Variants in H3-7 observed in about 807,000 individuals in gnomAD.
H3-7 encodes histone H3-7.
chr1:143,904,814 CAA>C, the H3-7 span, among the ~76,000 whole-genome samples: 2 of 146,092 alleles, frequency 1.4e-5, 1 homozygote, highest in Non-Finnish European at 3.1e-5. Flanking sequence ...GTCACTGTAA[CAA>C]AAGTCTTGTT....
At chr1:143,904,101 A>G in the H3-7 span, 1 of 780,568 alleles carries the variant, frequency 1.3e-6, no homozygotes, top group South Asian at 1.8e-5. Flanking sequence ...AACACTCCCT[A>G]CCTGACCAAA....
the H3-7 span, chr1:143,905,958 A>T: frequency 6.3e-7 from 1 of 1,579,594 alleles, no homozygotes. Context: ...TCTGCTTAGT[A>T]CGGGCCATGC....
At chr1:143,904,792 G>C in the H3-7 span, 2 of 602,424 alleles carry the variant, frequency 3.3e-6, 1 homozygote, top group South Asian at 4.1e-5. Flanking sequence ...TTCTAGTCTT[G>C]CTTCCTTAAT....
the H3-7 span, chr1:143,905,700 G>A: frequency 4.4e-5 from 70 of 1,582,630 alleles, 11 homozygotes; most frequent in Middle Eastern, 1.7e-4. Context: ...GCGCCATCAC[G>A]GCCGAGCTCT....
the H3-7 span, among the ~76,000 whole-genome samples, chr1:143,902,777 G>A: frequency 7.0e-6 from 1 of 142,880 alleles, no homozygotes; most frequent in African/African-American, 2.5e-5. Context: ...ATTAACATGA[G>A]GACCCAACAC....
chr1:143,905,762 G>T, the H3-7 span: 2 of 1,582,002 alleles, frequency 1.3e-6, no homozygotes. Flanking sequence ...ACCAGCCGCT[G>T]GAAGGGCAGC....
At chr1:143,904,475 C>G in the H3-7 span, 13 of 1,598,236 alleles carry the variant, frequency 8.1e-6, no homozygotes, top group South Asian at 6.7e-5. Context: ...TCAGCACCTC[C>G]TACACGTAAA....
the H3-7 span, chr1:143,904,240 A>G: frequency 2.5e-6 from 4 of 1,580,238 alleles, 1 homozygote; most frequent in Admixed American, 1.7e-5. Context: ...GAGCTGGTGT[A>G]CTTGGTGACC....
chr1:143,904,583 G>C, the H3-7 span: 2 of 1,595,612 alleles, frequency 1.3e-6, no homozygotes, highest in East Asian at 2.3e-5. Flanking sequence ...GAGCAGGAGC[G>C]GATTTCGCTG....
chr1:143,904,314 G>T, the H3-7 span: 117 of 1,582,786 alleles, frequency 7.4e-5, 8 homozygotes, highest in East Asian at 2.2e-3. Context: ...GCGCACGGCC[G>T]TCTGGATCTC....
the H3-7 span, among the ~76,000 whole-genome samples, chr1:143,904,819 G>C: frequency 6.8e-6 from 1 of 146,134 alleles, no homozygotes; most frequent in East Asian, 2.0e-4. Flanking sequence ...TGTAACAAAA[G>C]TCTTGTTATC....
chr1:143,905,620 T>C, the H3-7 span: 3 of 1,582,702 alleles, frequency 1.9e-6, no homozygotes, highest in East Asian at 4.6e-5. Context: ...GGTCACGCGC[T>C]TGGCATGGAT....
At chr1:143,904,306 G>A in the H3-7 span, 9 of 1,583,358 alleles carry the variant, frequency 5.7e-6, no homozygotes, top group African/African-American at 2.7e-5. Context: ...AGCAGCAGGC[G>A]CACGGCCGTC....
At chr1:143,904,179 C>G in the H3-7 span, 1,508 of 1,387,756 alleles carry the variant, frequency 1.1e-3, 46 homozygotes, top group African/African-American at 0.019. Context: ...CTGAAAAGAG[C>G]CTTTGGGGTT....
the H3-7 span, chr1:143,904,450 C>T: frequency 8.8e-6 from 14 of 1,589,720 alleles, no homozygotes; most frequent in African/African-American, 1.3e-5. Flanking sequence ...ATGCCGGTGT[C>T]GGGGTGGACC....
chr1:143,904,338 G>T, the H3-7 span: 1 of 1,582,644 alleles, frequency 6.3e-7, no homozygotes, highest in Non-Finnish European at 8.7e-7. Context: ...GGACGTGATG[G>T]TGGAGCGCTT....
At chr1:143,905,541 A>C in the H3-7 span, 2 of 1,544,986 alleles carry the variant, frequency 1.3e-6, no homozygotes, top group Non-Finnish European at 1.8e-6. Flanking sequence ...TAGATCGACC[A>C]CTTAAAAATA....
chr1:143,902,760 C>A, the H3-7 span, among the ~76,000 whole-genome samples: 1 of 142,088 alleles, frequency 7.0e-6, no homozygotes, highest in Non-Finnish European at 1.6e-5. Context: ...GACACACCCA[C>A]AGGTCGATTA....
At chr1:143,903,253 G>T in the H3-7 span, among the ~76,000 whole-genome samples, 1 of 116,874 alleles carries the variant, frequency 8.6e-6, no homozygotes, top group Non-Finnish European at 1.8e-5. Flanking sequence ...TTGGAACCAA[G>T]ACAGGGTTCT....
Sources: allele counts gnomAD v4.1 joint callset (sites outside exome capture counted in the v4.1 genomes callset), GRCh38; gene constraint gnomAD v4.1.1; transcripts MANE v1.5; gene names NCBI Gene and HGNC (gene_info 2026-07-23, HGNC 2026-07-21).